The following HIVEP3 variants were observed in gnomAD, a reference collection of about 807,000 sequenced individuals.
HIVEP3 encodes HIVEP zinc finger 3, also known as transcription factor HIVEP3.
In HIVEP3, 49 loss-of-function variants were observed where a neutral mutation model predicts 152.8. The ratio of observed to expected loss-of-function variants is 0.32; its 90% confidence interval spans 0.26 to 0.41. The LOEUF (loss-of-function observed/expected upper bound fraction) is 0.41, where lower values mean the gene tolerates loss of function less well. Ranked by LOEUF, HIVEP3 falls within the 10% of genes least tolerant of loss-of-function variation. The pLI is 1.00. For missense variants in HIVEP3, 2,790 were observed against 3,103.3 expected, an observed-to-expected ratio of 0.90 and a Z score of 2.40; for synonymous variants, 1,269 against 1,289.0, an observed-to-expected ratio of 0.98 and a Z score of 0.33.
intron 1 of HIVEP3, among the ~76,000 whole-genome samples, chr1:41,783,778 C>G (rs1649189899): frequency 6.6e-6 from 1 of 152,150 alleles, no homozygotes. Flanking sequence ...AGGGCTGAAC[C>G]CCGCTCAGAA....
chr1:42,010,578 C>T (rs1645487341), intron 1 of HIVEP3, among the ~76,000 whole-genome samples: 1 of 152,110 alleles, frequency 6.6e-6, no homozygotes, highest in African/African-American at 2.4e-5. Flanking sequence ...AAAGTATTTC[C>T]CTCCTAGCTG....
chr1:41,890,459 A>G (rs1177345390), intron 1 of HIVEP3, among the ~76,000 whole-genome samples: 1 of 152,218 alleles, frequency 6.6e-6, no homozygotes, highest in Non-Finnish European at 1.5e-5. Flanking sequence ...GCACTGTGAC[A>G]GCCCTTATTT....
chr1:41,549,538 G>A (rs970429297), intron 5 of HIVEP3, among the ~76,000 whole-genome samples: 1 of 152,168 alleles, frequency 6.6e-6, no homozygotes, highest in African/African-American at 2.4e-5. Flanking sequence ...AGCATCTGTT[G>A]TTTCCTCACT....
chr1:41,852,263 G>A (rs933830980), intron 1 of HIVEP3, among the ~76,000 whole-genome samples: 19 of 152,196 alleles, frequency 1.2e-4, no homozygotes, highest in African/African-American at 2.9e-4. Flanking sequence ...TCAGAGCCCC[G>A]TGGGGCTGCC....
rs1242125736 is a variant in HIVEP3 at position 41,584,542 on chromosome 1, T to C, written c.256A>G (p.Ile86Val). 6.2e-7 allele frequency: 1 copy of C among 1,613,720 alleles called. No individual in the cohort carries two copies. The highest frequency in any genetic ancestry group is 1.3e-5 in the African/African-American group (1 of 74,856). ...QQQKPPKRPPIEASVHISQLP... is the reference protein window; with the variant it reads ...QQQKPPKRPPVEASVHISQLP... ...TGTGAGATGTGGACGGATGCTTCGA[T>C]GGGGGGCCTTTTGGGGGGCTTCTGC... The change falls in exon 4 of 9, where the codon ATC becomes GTC. Residue 86 changes from isoleucine (I) to valine (V), a missense_variant. Coordinates refer to ENST00000372583, the MANE Select transcript of HIVEP3 (RefSeq NM_024503.5). The surrounding 1 kb of genome is among the most constrained non-coding windows in gnomAD (Gnocchi z 5.2).
At chr1:41,530,670 AGCCTTCACCCT>A (rs1643218086) in intron 5 of HIVEP3, among the ~76,000 whole-genome samples, 1 of 152,094 alleles carries the variant, frequency 6.6e-6, no homozygotes, top group Admixed American at 6.5e-5. Context: ...CCTTCAGCCT[AGCCTTCACCCT>A]GCTGATCCCC....
intron 1 of HIVEP3, among the ~76,000 whole-genome samples, chr1:41,771,209 T>C (rs1648333548): frequency 1.3e-5 from 2 of 152,096 alleles, no homozygotes; most frequent in Admixed American, 6.5e-5. Flanking sequence ...CCCTTATAAA[T>C]AGAAGATTAT....
At chr1:41,956,476 T>C (rs1645141148) in intron 1 of HIVEP3, among the ~76,000 whole-genome samples, 1 of 152,244 alleles carries the variant, frequency 6.6e-6, no homozygotes, top group African/African-American at 2.4e-5. Context: ...CCTAGGAATC[T>C]ATTCCAAGAA....
rs746772017 is a variant in HIVEP3 at position 41,583,235 on chromosome 1, T to C, written c.1563A>G (p.Ser521=). The change falls in exon 4 of 9, where the codon TCA becomes TCG. Residue 521 remains serine (S), a synonymous_variant. Transcript: ENST00000372583. This position sits in a 1 kb window ranked among gnomAD's most constrained non-coding sequence, Gnocchi z 6.9. ...TGGGCGGGTGCTGGAGGCTCAGCAG[T>C]GATTGTTCAGGCTTGGTTTTCTCAC... is the stretch of plus-strand genomic sequence containing the variant. ...SHSEKTKPEQ[S]LLSLQHPPST... 1.9e-5 allele frequency: 30 copies of C among 1,611,994 alleles called. No individual in the cohort carries two copies. Among genetic ancestry groups the C allele is most frequent in the Non-Finnish European group, 2.4e-5 (28 of 1,179,238 alleles).
At chr1:41,774,253 C>G (rs1168224183) in intron 1 of HIVEP3, among the ~76,000 whole-genome samples, 5 of 152,168 alleles carry the variant, frequency 3.3e-5, no homozygotes. Flanking sequence ...CCTTCAGAGC[C>G]CAGAGATGCC....
At chr1:41,522,706 C>G (rs1395135157) in intron 6 of HIVEP3, among the ~76,000 whole-genome samples, 1 of 152,228 alleles carries the variant, frequency 6.6e-6, no homozygotes, top group Non-Finnish European at 1.5e-5. Context: ...AAGGCATCTC[C>G]TAGAAAGTAC....
intron 4 of HIVEP3, 33 bp downstream of exon 4, chr1:41,579,704 C>T (rs1489163389): frequency 6.6e-7 from 1 of 1,516,244 alleles, no homozygotes; most frequent in Admixed American, 2.2e-5. Context: ...TTTTGCAAAT[C>T]AGTGATGAGA....
chr1:41,804,126 A>G (rs573634985), intron 1 of HIVEP3, among the ~76,000 whole-genome samples: 7 of 152,216 alleles, frequency 4.6e-5, no homozygotes, highest in Non-Finnish European at 1.0e-4. Flanking sequence ...TGAGGTATAC[A>G]TAAATAACTG....
At chr1:41,570,140 G>A (rs1644230667) in intron 5 of HIVEP3, among the ~76,000 whole-genome samples, 1 of 152,162 alleles carries the variant, frequency 6.6e-6, no homozygotes. Context: ...TGAGTTTAGA[G>A]GAAGAGCACG....
chr1:41,587,630 G>A (rs1644524273), intron 3 of HIVEP3, among the ~76,000 whole-genome samples: 1 of 152,218 alleles, frequency 6.6e-6, no homozygotes, highest in Non-Finnish European at 1.5e-5. Flanking sequence ...CTTCTATGGA[G>A]ACTAAAGTTA....
At chr1:41,964,493 G>A (rs918423576) in intron 1 of HIVEP3, among the ~76,000 whole-genome samples, 1 of 152,192 alleles carries the variant, frequency 6.6e-6, no homozygotes, top group South Asian at 2.1e-4. Context: ...GTGGCCACTG[G>A]CAGCAGGCTG....
intron 2 of HIVEP3, among the ~76,000 whole-genome samples, chr1:41,665,014 C>T (rs1269355510): frequency 1.3e-5 from 2 of 152,176 alleles, no homozygotes; most frequent in African/African-American, 2.4e-5. Context: ...GCCTTTCCAG[C>T]GGTAGTCATT....
intron 1 of HIVEP3, among the ~76,000 whole-genome samples, chr1:41,727,302 G>T (rs1043837601): frequency 2.0e-5 from 3 of 152,222 alleles, no homozygotes; most frequent in Non-Finnish European, 2.9e-5. Context: ...ATCCTAGGGC[G>T]ATCTGACAGC....
At position 41,510,422 on chromosome 1, in the gene HIVEP3, A is replaced by G; in HGVS notation, c.*29T>C. Reference sequence around the variant, plus strand: ...GAAACGTCTGTTGCTGGACACTGGAAGCCAGATGCTGAAGCAGTTGGAGAG... The same window carrying G: ...GAAACGTCTGTTGCTGGACACTGGAGGCCAGATGCTGAAGCAGTTGGAGAG... On this transcript the variant is annotated 3_prime_UTR_variant, in exon 9 of 9. Coordinates refer to ENST00000372583, the MANE Select transcript of HIVEP3 (RefSeq NM_024503.5). 1 of 1,443,298 alleles carries G rather than the reference A, an allele frequency of 6.9e-7. No homozygotes were observed. The allele number at this position is 1,443,298 out of a possible 1,614,324, so 89.4% of individuals were successfully genotyped here.
Sources: allele counts gnomAD v4.1 joint callset (sites outside exome capture counted in the v4.1 genomes callset), GRCh38; gene constraint gnomAD v4.1.1; non-coding constraint Gnocchi (gnomAD v3.1); transcripts MANE v1.5; gene names NCBI Gene and HGNC (gene_info 2026-07-23, HGNC 2026-07-21).